The following GLI3 variants were observed in gnomAD, a reference collection of about 807,000 sequenced individuals.
GLI3 encodes transcription activator GLI3.
GLI3 carries 20 observed loss-of-function variants against 100.8 expected under a neutral mutation model. That is an observed-to-expected ratio of 0.20 (90% CI 0.14 to 0.29). The LOEUF (loss-of-function observed/expected upper bound fraction) is 0.29. GLI3 is among the 10% of genes least tolerant of loss of function. The pLI is 1.00. For missense variants in GLI3, 2,040 were observed against 2,128.5 expected (o/e 0.96, Z 0.82); for synonymous variants, 938 against 860.5 (o/e 1.09, Z -1.58).
intron 2 of GLI3, among the ~76,000 whole-genome samples, chr7:42,158,338 G>A (rs1198804136): frequency 2.0e-5 from 3 of 152,298 alleles, no homozygotes; most frequent in East Asian, 1.9e-4. Context: ...AAGATTAAGC[G>A]ACTGGCTTAA....
chr7:42,025,068 C>A (rs1302651445), intron 9 of GLI3, among the ~76,000 whole-genome samples, 196 bp downstream of exon 9: 1 of 152,204 alleles, frequency 6.6e-6, no homozygotes, highest in Non-Finnish European at 1.5e-5. Flanking sequence ...GTGTTTGCTT[C>A]TGAGCTAGAA....
chr7:42,238,493 G>C (rs1788880602), upstream of GLI3, among the ~76,000 whole-genome samples: 1 of 152,120 alleles, frequency 6.6e-6, no homozygotes, highest in African/African-American at 2.4e-5. Context: ...CCAAATCCGC[G>C]AAGCGAGGAG....
intron 3 of GLI3, among the ~76,000 whole-genome samples, chr7:42,117,729 T>A (rs1037286243): frequency 2.6e-5 from 4 of 152,246 alleles, no homozygotes; most frequent in Non-Finnish European, 4.4e-5. Flanking sequence ...TCTAGCAAAG[T>A]GTATGATCTC....
chr7:42,131,640 C>A (rs1413658762), intron 3 of GLI3, among the ~76,000 whole-genome samples: 1 of 152,126 alleles, frequency 6.6e-6, no homozygotes, highest in East Asian at 1.9e-4. Context: ...TAAGACCCCA[C>A]AAACATATTA....
chr7:42,133,580 C>G (rs898171706), intron 3 of GLI3, among the ~76,000 whole-genome samples: 18 of 150,270 alleles, frequency 1.2e-4, no homozygotes, highest in African/African-American at 4.4e-4. Flanking sequence ...CACAGCTTTC[C>G]TATCAAGCTC....
intron 13 of GLI3, among the ~76,000 whole-genome samples, chr7:41,970,908 C>CA (rs35516843): frequency 1.3e-5 from 2 of 151,896 alleles, no homozygotes; most frequent in African/African-American, 2.4e-5. Flanking sequence ...TGCTCCCCTT[C>CA]AAAAAAAGTA....
chr7:42,061,361 AATT>A (rs1286496089), intron 4 of GLI3, among the ~76,000 whole-genome samples: 4 of 152,098 alleles, frequency 2.6e-5, no homozygotes, highest in Non-Finnish European at 5.9e-5. Flanking sequence ...TCCTCATCAT[AATT>A]ATTATTACTG....
At chr7:41,977,028 T>C (rs1787531651) in intron 12 of GLI3, among the ~76,000 whole-genome samples, 1 of 152,216 alleles carries the variant, frequency 6.6e-6, no homozygotes. Flanking sequence ...TCCAAGATCC[T>C]TTGGAATTTA....
chr7:42,134,885 A>G (rs908912189), intron 3 of GLI3, among the ~76,000 whole-genome samples: 2 of 152,118 alleles, frequency 1.3e-5, no homozygotes, highest in African/African-American at 4.8e-5. Flanking sequence ...GGAACGGATC[A>G]AGCAGAAAGA....
intron 10 of GLI3, among the ~76,000 whole-genome samples, chr7:42,014,683 T>C (rs1485008053): frequency 1.3e-5 from 2 of 152,176 alleles, no homozygotes; most frequent in African/African-American, 4.8e-5. Context: ...GTCCTGCTTG[T>C]ACATCGATAG....
At chr7:42,088,574 G>A (rs980487963) in intron 3 of GLI3, among the ~76,000 whole-genome samples, 10 of 152,228 alleles carry the variant, frequency 6.6e-5, no homozygotes, top group Admixed American at 3.9e-4. Flanking sequence ...GAGGCATCCT[G>A]CCTGGGCCTG....
chr7:41,976,103 C>T (rs1415012567), intron 12 of GLI3, among the ~76,000 whole-genome samples: 1 of 152,110 alleles, frequency 6.6e-6, no homozygotes, highest in African/African-American at 2.4e-5. Flanking sequence ...TCACTATTCC[C>T]TCTCCCCTCT....
chr7:42,207,488 A>G (rs1391845583), intron 2 of GLI3, among the ~76,000 whole-genome samples: 1 of 152,230 alleles, frequency 6.6e-6, no homozygotes, highest in Non-Finnish European at 1.5e-5. Flanking sequence ...GTTTCTGAAA[A>G]TGAGCACTCA....
chr7:41,980,683 G>T (rs1276567176), intron 10 of GLI3, among the ~76,000 whole-genome samples: 1 of 152,146 alleles, frequency 6.6e-6, no homozygotes, highest in African/African-American at 2.4e-5. Context: ...AGGAACACAG[G>T]AGGGAGAAAG....
chr7:42,130,984 T>C (rs1786261628), intron 3 of GLI3, among the ~76,000 whole-genome samples: 1 of 152,136 alleles, frequency 6.6e-6, no homozygotes, highest in Non-Finnish European at 1.5e-5. Context: ...CCTTAAAAGA[T>C]CTTGTAGGGA....
At chr7:42,059,767 G>T (rs1389995710) in intron 4 of GLI3, among the ~76,000 whole-genome samples, 5 of 152,216 alleles carry the variant, frequency 3.3e-5, no homozygotes, top group African/African-American at 1.2e-4. Context: ...CATTAAGAAA[G>T]CACACAGATG....
intron 4 of GLI3, among the ~76,000 whole-genome samples, chr7:42,052,103 T>G (rs1784364070): frequency 6.6e-6 from 1 of 152,244 alleles, no homozygotes; most frequent in African/African-American, 2.4e-5. Context: ...TGGCCTCTTT[T>G]ACTTCGTAAT....
rs1408878070 is a variant in GLI3, at chr7:42,026,314, T to C, written c.1127A>G (p.His376Arg). ...RQQSLGSAFG[H>R]SPPLIHPAPT... The stretch of plus-strand genomic sequence containing the variant: ...GGCAGGGTGGATGAGTGGAGGGCTG[T>C]GTCCAAAGGCTGAACCTAAGCTCTG... Residue 376 changes from histidine (H) to arginine (R), a missense_variant, in exon 8 of 15, where the codon CAC (histidine) becomes CGC (arginine). His to Arg is a conservative substitution (Grantham distance 29). Around this residue, in one of 5 missense-constraint regions of GLI3, gnomAD observed 603 missense variants for 690.9 expected, o/e 0.87. Transcript: ENST00000395925. 6.2e-7 allele frequency: 1 copy of C among 1,614,004 alleles called. No individual in the cohort carries two copies.
chr7:42,200,941 A>G (rs1788026197), intron 2 of GLI3, among the ~76,000 whole-genome samples: 1 of 152,208 alleles, frequency 6.6e-6, no homozygotes, highest in Non-Finnish European at 1.5e-5. Flanking sequence ...GGACTTAAAC[A>G]ATAAAATTAT....
Sources: allele counts gnomAD v4.1 joint callset (sites outside exome capture counted in the v4.1 genomes callset), GRCh38; gene constraint gnomAD v4.1.1; regional missense constraint gnomAD v4.1.1; transcripts MANE v1.5; gene names NCBI Gene and HGNC (gene_info 2026-07-23, HGNC 2026-07-21).